The following MTMR3 variants were observed in gnomAD, a reference collection of about 807,000 sequenced individuals.
The protein encoded by MTMR3 is phosphatidylinositol-3,5-bisphosphate 3-phosphatase MTMR3.
A neutral mutation model predicts 132.4 loss-of-function variants in MTMR3; 32 were observed. The observed-to-expected ratio is 0.24, with a 90% CI of 0.18 to 0.32. The LOEUF (loss-of-function observed/expected upper bound fraction) is 0.32, where lower values mean the gene tolerates loss of function less well. MTMR3 is among the 10% of genes least tolerant of loss of function. MTMR3 has a pLI of 1.00. For synonymous variants in MTMR3, 556 were observed against 550.3 expected, an observed-to-expected ratio of 1.01 and a Z score of -0.14; for missense variants, 1,216 against 1,489.6, an observed-to-expected ratio of 0.82 and a Z score of 3.02.
intron 1 of MTMR3, among the ~76,000 whole-genome samples, chr22:29,897,602 G>A (rs571884765): frequency 2.0e-5 from 3 of 151,822 alleles, no homozygotes; most frequent in African/African-American, 4.8e-5. Flanking sequence ...ACAGGAGCTC[G>A]TCACCATGCC....
At position 30,013,539 on chromosome 22, in the gene MTMR3, C is replaced by T; in HGVS notation, c.1501C>T (p.Leu501Phe). 6.2e-7 allele frequency: 1 copy of T among 1,612,922 alleles called. No homozygotes were observed. Among genetic ancestry groups the T allele is most frequent in the Non-Finnish European group, 8.5e-7 (1 of 1,179,332 alleles). The change falls in exon 14 of 20, where the codon CTT becomes TTT. Residue 501 changes from leucine to phenylalanine, a missense_variant and splice_region_variant. Coordinates refer to ENST00000401950, the MANE Select transcript of MTMR3 (RefSeq NM_021090.4). ...PCSFEFNEAF[L>F]VKLVQHTYSC... ...CTCTTTTGAGTTCAATGAAGCATTC[C>T]TTGTAAGTTTCTTCATTTTGGGGAC...
At chr22:29,927,648 T>G (rs983190218) in intron 1 of MTMR3, among the ~76,000 whole-genome samples, 1 of 152,102 alleles carries the variant, frequency 6.6e-6, no homozygotes, top group South Asian at 2.1e-4. Flanking sequence ...ACTCAAATAC[T>G]GATGGCCTTT....
intron 1 of MTMR3, among the ~76,000 whole-genome samples, chr22:29,917,215 C>T (rs2065325519): frequency 6.6e-6 from 1 of 152,120 alleles, no homozygotes; most frequent in Non-Finnish European, 1.5e-5. Context: ...AATCTGTAGC[C>T]AAAGGTGTCT....
chr22:29,978,553 A>G (rs746542374), intron 4 of MTMR3, 22 bp downstream of exon 4: 2 of 1,577,556 alleles, frequency 1.3e-6, no homozygotes, highest in South Asian at 1.1e-5. Flanking sequence ...CCACTTTTAA[A>G]TGTAAAATAT....
At chr22:30,001,948 T>C (rs2067184164) in intron 8 of MTMR3, 1 of 152,200 alleles carries the variant, frequency 6.6e-6, no homozygotes, top group African/African-American at 2.4e-5. Context: ...TGTGTTTTTC[T>C]GCGCTTTCTG....
intron 3 of MTMR3, among the ~76,000 whole-genome samples, chr22:29,976,504 A>G (rs1158033684): frequency 3.3e-5 from 5 of 152,182 alleles, no homozygotes; most frequent in Admixed American, 6.5e-5. Context: ...TTTTACTTGT[A>G]TTTCCTCTGT....
chr22:29,892,918 C>T lies in MTMR3; in HGVS notation c.-138+9559C>T, dbSNP rs184283285. 1.0e-3 allele frequency among the ~76,000 whole-genome samples: 154 copies of T among 152,326 alleles called. 2 individuals are homozygous for T. In the South Asian group the frequency reaches 0.016, roughly 16 times the overall value. ...TTTCACATATATCTTCTTAGGTCAT[C>T]ACAAGGATTTGAGATCATCATTTAA... On this transcript the variant is annotated intron_variant, in intron 1 of 19. Coordinates refer to ENST00000401950, the MANE Select transcript of MTMR3 (RefSeq NM_021090.4).
At position 29,933,369 on chromosome 22, in the gene MTMR3, T is replaced by G. The variant is rs938056441; in HGVS notation, c.-137-23667T>G. 3.3e-5 allele frequency among the ~76,000 whole-genome samples: 5 copies of G among 152,270 alleles called. No homozygotes were observed. The East Asian group carries it at 5.8e-4, about 18-fold the overall frequency. The stretch of plus-strand genomic sequence containing the variant: ...ACAGACAATCTTTCATGGGTTTTTA[T>G]AGATTAATTTTGAGGATGCTTTTAT... On this transcript the variant is annotated intron_variant, in intron 1 of 19. Transcript: ENST00000401950.
At chr22:29,916,731 A>C (rs147061257) in intron 1 of MTMR3, among the ~76,000 whole-genome samples, 3 of 152,212 alleles carry the variant, frequency 2.0e-5, no homozygotes, top group Non-Finnish European at 4.4e-5. Flanking sequence ...CTACTTCATA[A>C]ATTAATACAT....
intron 1 of MTMR3, among the ~76,000 whole-genome samples, chr22:29,931,034 T>G (rs1044843457): frequency 2.2e-4 from 33 of 150,102 alleles, no homozygotes; most frequent in African/African-American, 7.6e-4. Context: ...AAAAAAAAAC[T>G]TAAAAATGAC....
chr22:29,890,320 C>G (rs879595889), intron 1 of MTMR3, among the ~76,000 whole-genome samples: 3 of 152,078 alleles, frequency 2.0e-5, no homozygotes, highest in Non-Finnish European at 4.4e-5. Context: ...AGTTCAAGAC[C>G]AGGCTGGCCA....
intron 1 of MTMR3, among the ~76,000 whole-genome samples, chr22:29,932,765 CTA>C (rs1188374552): frequency 1.3e-5 from 2 of 152,048 alleles, no homozygotes; most frequent in African/African-American, 4.8e-5. Flanking sequence ...ACTAACTTTG[CTA>C]TGTTATGTGA....
intron 7 of MTMR3, chr22:29,998,288 A>T (rs1390512899): frequency 6.6e-6 from 1 of 152,362 alleles, no homozygotes; most frequent in East Asian, 1.9e-4. Context: ...CCTGACAGGG[A>T]TCTTTCTAAA....
intron 5 of MTMR3, chr22:29,984,507 G>A (rs547952404): frequency 1.3e-5 from 2 of 152,202 alleles, no homozygotes; most frequent in African/African-American, 2.4e-5. Flanking sequence ...CAGGGTGTTA[G>A]TGTCTATAAT....
At chr22:29,934,525 C>G (rs1448500237) in intron 1 of MTMR3, among the ~76,000 whole-genome samples, 1 of 151,408 alleles carries the variant, frequency 6.6e-6, no homozygotes, top group East Asian at 1.9e-4. Context: ...GCCATACTTG[C>G]ATTTTAATAT....
intron 11 of MTMR3, chr22:30,008,739 G>T (rs929011076): frequency 3.1e-6 from 1 of 320,918 alleles, no homozygotes; most frequent in Admixed American, 4.7e-5. Context: ...TGAGATCGAA[G>T]TAGGCCTTTC....
chr22:29,989,134 A>G (rs1356219356), intron 6 of MTMR3: 3 of 152,142 alleles, frequency 2.0e-5, no homozygotes, highest in African/African-American at 7.2e-5. Flanking sequence ...CCTCACCTCC[A>G]TCTCATTCAG....
intron 13 of MTMR3, 37 bp from the exon 14 acceptor site, chr22:30,013,319 C>T: frequency 6.2e-7 from 1 of 1,607,332 alleles, no homozygotes; most frequent in South Asian, 1.1e-5. Context: ...TCTGGATAGT[C>T]TAGCACAAAT....
At chr22:29,940,055 C>T (rs150482687) in intron 1 of MTMR3, among the ~76,000 whole-genome samples, 3,699 of 152,266 alleles carry the variant, frequency 0.024, 64 homozygotes, top group Non-Finnish European at 0.032. Flanking sequence ...ATCACGAGGT[C>T]AGGAGATCGA....
Sources: allele counts gnomAD v4.1 joint callset (sites outside exome capture counted in the v4.1 genomes callset), GRCh38; gene constraint gnomAD v4.1.1; transcripts MANE v1.5; gene names NCBI Gene and HGNC (gene_info 2026-07-23, HGNC 2026-07-21).